Variants in TRIM23 observed in about 807,000 individuals in gnomAD.
TRIM23 encodes the protein E3 ubiquitin-protein ligase TRIM23.
In TRIM23, 27 loss-of-function variants were observed where a neutral mutation model predicts 71.0. The observed-to-expected ratio is 0.38, with a 90% CI of 0.28 to 0.52. The LOEUF is 0.52. Ranked by LOEUF, TRIM23 falls within the 20% of genes least tolerant of loss-of-function variation. The probability of loss-of-function intolerance (pLI) is 0.84; values close to 1 mark genes in which losing one functional copy is unlikely to be tolerated. For synonymous variants in TRIM23, 234 were observed against 238.0 expected, an observed-to-expected ratio of 0.98 and a Z score of 0.16; for missense variants, 482 against 692.3, an observed-to-expected ratio of 0.70 and a Z score of 3.41.
chr5:65,613,724 T>A, intron 3 of TRIM23: 1 of 1,190,014 alleles, frequency 8.4e-7, no homozygotes, highest in African/African-American at 1.6e-5. Flanking sequence ...AATGGCCTCT[T>A]ACATCGAGTT....
chr5:65,621,080 C>T (rs187191647), intron 1 of TRIM23, among the ~76,000 whole-genome samples: 53 of 152,012 alleles, frequency 3.5e-4, no homozygotes, highest in Non-Finnish European at 3.8e-4. Flanking sequence ...AGGCTGGGTG[C>T]GGTGGCTCAC....
At chr5:65,601,776 C>G (rs937116928) in intron 7 of TRIM23, among the ~76,000 whole-genome samples, 1 of 152,216 alleles carries the variant, frequency 6.6e-6, no homozygotes, top group Non-Finnish European at 1.5e-5. Flanking sequence ...CTTCTGTGCA[C>G]CCACAGGCTC....
intron 5 of TRIM23, among the ~76,000 whole-genome samples, chr5:65,610,067 T>G (rs144218961): frequency 1.3e-5 from 2 of 152,204 alleles, no homozygotes; most frequent in Non-Finnish European, 2.9e-5. Context: ...TATTAACAAT[T>G]AATCACTAAG....
chr5:65,613,208 T>C (rs1313959982), intron 3 of TRIM23, among the ~76,000 whole-genome samples: 1 of 151,488 alleles, frequency 6.6e-6, no homozygotes, highest in Non-Finnish European at 1.5e-5. Flanking sequence ...TTATAAACTA[T>C]AATGTCAACA....
At chr5:65,607,578 A>C (rs1024703063) in intron 6 of TRIM23, among the ~76,000 whole-genome samples, 1 of 152,184 alleles carries the variant, frequency 6.6e-6, no homozygotes, top group Admixed American at 6.6e-5. Flanking sequence ...GCAAACCTGT[A>C]AATTAAGCCC....
In TRIM23 at chr5:65,603,204, T is replaced by C. The variant is rs78906730; in HGVS notation, c.1179+1707A>G. On this transcript the variant is annotated intron_variant, in intron 7 of 10. Transcript: ENST00000231524. ...GGTATAGAGTTTCAGTTCTACAAAA[T>C]GAAAAATTTCTGGATATCTGTTTAA... is the stretch of plus-strand genomic sequence containing the variant. Among the ~76,000 whole-genome samples, 923 of 117,606 alleles carry C rather than the reference T, an allele frequency of 7.8e-3. 9 individuals are homozygous for C. The highest frequency in any genetic ancestry group is 0.027 in the African/African-American group (839 of 31,198). The allele number at this position is 117,606 out of a possible 152,430, so 77.2% of individuals were successfully genotyped here.
At position 65,591,278 on chromosome 5, in the gene TRIM23, T is replaced by C; in HGVS notation, c.*491A>G. On this transcript the variant is annotated 3_prime_UTR_variant, in exon 11 of 11. Transcript: ENST00000231524. ...TAATCCTATTATCCAAATATGTAGT[T>C]TGGATTCTATTTCATTAAGCAACTG... 7.4e-7 allele frequency: 1 copy of C among 1,358,450 alleles called. No individual in the cohort carries two copies. Among genetic ancestry groups the C allele is most frequent in the African/African-American group, 1.5e-5 (1 of 64,672 alleles). 84.1% of individuals were successfully genotyped at this position (1,358,450 alleles called of 1,614,324 possible). A position where few individuals can be genotyped will look rare whatever the true frequency, so the allele number is the denominator to read the frequency against.
chr5:65,598,034 A>C (rs1419820761), intron 7 of TRIM23, among the ~76,000 whole-genome samples: 2 of 152,042 alleles, frequency 1.3e-5, no homozygotes, highest in African/African-American at 4.8e-5. Context: ...TATGATACAA[A>C]CTTTTCCTGG....
chr5:65,605,821 G>A (rs1005483779), intron 6 of TRIM23, among the ~76,000 whole-genome samples: 4 of 152,184 alleles, frequency 2.6e-5, no homozygotes, highest in African/African-American at 9.7e-5. Flanking sequence ...AGATACTCAT[G>A]TTAGTTGACA....
Position 65,618,206 on chromosome 5 carries a change from T to C in TRIM23, c.131A>G (p.Lys44Arg). ...GCCACAAAGCAAAAGACGGGGAACTTTGTCTCCTTGCAAAGAAAAGACATC... is the reference window on the plus strand; with the variant it reads ...GCCACAAAGCAAAAGACGGGGAACTCTGTCTCCTTGCAAAGAAAAGACATC... ...CEDVFSLQGD[K>R]VPRLLLCGHT... The change falls in exon 2 of 11, where the codon AAA becomes AGA. Residue 44 changes from lysine (K) to arginine (R), a missense_variant. Lys to Arg is a conservative substitution (Grantham distance 26). This residue lies in a region of TRIM23 where 175 missense variants were observed against 196.5 expected (regional missense o/e 0.89). Coordinates refer to ENST00000231524, the MANE Select transcript of TRIM23 (RefSeq NM_001656.4). 1 of 1,614,116 alleles carries C rather than the reference T, an allele frequency of 6.2e-7. No homozygotes were observed. Among genetic ancestry groups the C allele is most frequent in the East Asian group, 2.2e-5 (1 of 44,868 alleles).
chr5:65,594,593 G>A lies in TRIM23; in HGVS notation c.1473C>T (p.His491=), dbSNP rs1306927060. The A allele has an allele frequency of 2.5e-6, 4 of 1,611,852 alleles. No homozygotes were observed. Among genetic ancestry groups the A allele is most frequent in the Admixed American group, 3.4e-5 (2 of 59,676 alleles). Reference sequence around the variant, plus strand: ...CCGTTAACAACTTTGCAAGTTCGCTGTGTGCTTCACTAATTCTGTCTCTAT... The same window carrying A: ...CCGTTAACAACTTTGCAAGTTCGCTATGTGCTTCACTAATTCTGTCTCTAT... ...SSHRDRISEA[H]SELAKLLTEK... The change falls in exon 10 of 11, where the codon CAC becomes CAT. Residue 491 remains histidine (H), a synonymous_variant. Transcript: ENST00000231524.
intron 6 of TRIM23, among the ~76,000 whole-genome samples, chr5:65,606,483 AAC>A (rs1491073168): frequency 0.018 from 2,542 of 144,504 alleles, 83 homozygotes; most frequent in African/African-American, 0.06. Flanking sequence ...AAAAAAAAAA[AAC>A]AATTGAAGTC....
At chr5:65,617,583 G>T (rs1318679436) in intron 2 of TRIM23, among the ~76,000 whole-genome samples, 1 of 151,806 alleles carries the variant, frequency 6.6e-6, no homozygotes, top group Non-Finnish European at 1.5e-5. Context: ...AAAGTATACA[G>T]AAAACTGCAA....
intron 3 of TRIM23, among the ~76,000 whole-genome samples, chr5:65,613,267 G>A (rs1043625060): frequency 3.9e-5 from 6 of 152,142 alleles, no homozygotes; most frequent in African/African-American, 1.2e-4. Flanking sequence ...ATTTAGCACA[G>A]AAAGAACTGC....
intron 7 of TRIM23, 186 bp downstream of exon 7, chr5:65,604,725 A>C (rs1317425988): frequency 2.2e-6 from 1 of 464,436 alleles, no homozygotes; most frequent in East Asian, 3.4e-5. Flanking sequence ...TAATCTTCTT[A>C]TTCCAATTTT....
At chr5:65,606,540 A>T (rs1269137443) in intron 6 of TRIM23, among the ~76,000 whole-genome samples, 1 of 151,706 alleles carries the variant, frequency 6.6e-6, no homozygotes, top group Non-Finnish European at 1.5e-5. Flanking sequence ...ATTCTCTATT[A>T]ACCTCTGATT....
At position 65,591,614 on chromosome 5, in the gene TRIM23, C is replaced by A. The variant is rs1254082814; in HGVS notation, c.*155G>T. 1.7e-6 allele frequency: 2 copies of A among 1,172,304 alleles called. No homozygotes were observed. Among genetic ancestry groups the A allele is most frequent in the East Asian group, 3.3e-5 (1 of 30,666 alleles). The allele number at this position is 1,172,304 out of a possible 1,614,324, so 72.6% of individuals were successfully genotyped here. On this transcript the variant is annotated 3_prime_UTR_variant, in exon 11 of 11. Transcript: ENST00000231524. ...ATTCTGCCACAAAATTTTTTTAAAG[C>A]AAAGTACTGAATTCCCAATCCAAGA...
Position 65,591,071 on chromosome 5 carries a change from T to C in TRIM23, c.*698A>G, listed in dbSNP as rs1754008711. The C allele has an allele frequency of 2.0e-6, 2 of 1,000,270 alleles. No homozygotes were observed. Among genetic ancestry groups the C allele is most frequent in the Admixed American group, 6.1e-5 (1 of 16,390 alleles). The allele number at this position is 1,000,270 out of a possible 1,614,324, so 62.0% of individuals were successfully genotyped here. ...AGATCCAATTACTTCCACAGTTTTA[T>C]TACTGTTCAGTTTATTACTAACCTG... On this transcript the variant is annotated 3_prime_UTR_variant, in exon 11 of 11. Coordinates refer to ENST00000231524, the MANE Select transcript of TRIM23 (RefSeq NM_001656.4).
intron 6 of TRIM23, among the ~76,000 whole-genome samples, chr5:65,608,324 T>A (rs1218316305): frequency 6.6e-6 from 1 of 151,996 alleles, no homozygotes; most frequent in Non-Finnish European, 1.5e-5. Context: ...TATCACAAAA[T>A]AGAGGATAGA....
Sources: gnomAD v4.1 joint callset for allele counts (sites outside exome capture counted in the v4.1 genomes callset) on GRCh38, gnomAD v4.1.1 for gene constraint, gnomAD v4.1.1 regional missense constraint, MANE v1.5 for transcripts, NCBI Gene and HGNC (gene_info 2026-07-23, HGNC 2026-07-21) for gene names.